The following PTH2R variants were observed in gnomAD, a reference collection of about 807,000 sequenced individuals.
PTH2R encodes PTH2 receptor.
Under a neutral mutation model 60.3 loss-of-function variants are expected in PTH2R, and 59 were observed. The ratio of observed to expected loss-of-function variants is 0.98; its 90% CI spans 0.79 to 1.22. The LOEUF (loss-of-function observed/expected upper bound fraction) is 1.22, where lower values mean the gene tolerates loss of function less well. Among genes scored for constraint, PTH2R ranks in the 50% most tolerant of loss-of-function variants. The pLI, the probability that PTH2R is intolerant of heterozygous loss-of-function variation, is 0.00. For missense variants in PTH2R, 749 were observed against 682.6 expected, an observed-to-expected ratio of 1.10 and a Z score of -1.08; for synonymous variants, 256 against 243.8, an observed-to-expected ratio of 1.05 and a Z score of -0.47.
intron 2 of PTH2R, among the ~76,000 whole-genome samples, chr2:208,432,431 A>G (rs1701991361): frequency 6.6e-6 from 1 of 152,212 alleles, no homozygotes; most frequent in African/African-American, 2.4e-5. Flanking sequence ...GCTTCCTGGA[A>G]GAATAATTAT....
chr2:208,395,073 A>T (rs1236878764), intron 1 of PTH2R, among the ~76,000 whole-genome samples: 3 of 150,734 alleles, frequency 2.0e-5, no homozygotes, highest in Non-Finnish European at 3.0e-5. Context: ...TTTGAGATGG[A>T]GTCTTGCTCT....
At chr2:208,449,782 C>A (rs1702365757) in intron 7 of PTH2R, among the ~76,000 whole-genome samples, 1 of 152,062 alleles carries the variant, frequency 6.6e-6, no homozygotes, top group African/African-American at 2.4e-5. Context: ...AAAAAAATTA[C>A]AATTTTTTTA....
intron 1 of PTH2R, among the ~76,000 whole-genome samples, chr2:208,417,844 A>G (rs530674430): frequency 6.6e-6 from 1 of 152,286 alleles, no homozygotes; most frequent in South Asian, 2.1e-4. Flanking sequence ...GGAGAAAGAA[A>G]GGCAAAATAT....
intron 1 of PTH2R, among the ~76,000 whole-genome samples, chr2:208,381,235 T>C (rs763786469): frequency 2.0e-5 from 3 of 152,052 alleles, no homozygotes; most frequent in Admixed American, 1.3e-4. Context: ...GTTTTCCTTT[T>C]TCCTCTAGAT....
rs150613059 is a variant in PTH2R, at chr2:208,493,368, C to T, written c.1362C>T (p.Thr454=). 1.7e-4 allele frequency: 276 copies of T among 1,605,372 alleles called. 1 individual carries two copies. The highest frequency in any genetic ancestry group is 1.7e-3 in the Middle Eastern group (10 of 6,044). ...GCAGATGCGGCTCAGTGCTCACCAC[C>T]GTGACGCACAGCACCAGCAGCCAGT... ...GSRRCGSVLT[T]VTHSTSSQSQ... is the part of the protein sequence containing the mutation. Residue 454 remains threonine, a synonymous_variant, in exon 13 of 13, where the codon ACC becomes ACT. Coordinates refer to ENST00000272847, the MANE Select transcript of PTH2R (RefSeq NM_005048.4).
At chr2:208,461,889 G>A (rs937632800) in intron 9 of PTH2R, among the ~76,000 whole-genome samples, 1 of 152,222 alleles carries the variant, frequency 6.6e-6, no homozygotes, top group East Asian at 1.9e-4. Flanking sequence ...CGCTGTTGGC[G>A]AAGGAGAAAT....
intron 1 of PTH2R, among the ~76,000 whole-genome samples, chr2:208,380,739 C>T (rs1433847377): frequency 6.6e-6 from 1 of 152,110 alleles, no homozygotes; most frequent in East Asian, 1.9e-4. Context: ...TGTGTCTGTC[C>T]TTGAGCACTA....
intron 1 of PTH2R, among the ~76,000 whole-genome samples, chr2:208,412,842 A>T (rs1350633433): frequency 2.6e-5 from 4 of 152,176 alleles, no homozygotes; most frequent in Non-Finnish European, 5.9e-5. Context: ...AACTACCCAC[A>T]TTTCTATTTA....
intron 10 of PTH2R, among the ~76,000 whole-genome samples, chr2:208,485,273 A>T (rs1239186392): frequency 6.6e-6 from 1 of 152,182 alleles, no homozygotes; most frequent in Non-Finnish European, 1.5e-5. Flanking sequence ...TCTAAACAGG[A>T]CACTGAGTCC....
At chr2:208,470,026 T>C (rs1702846601) in intron 9 of PTH2R, 1 of 152,176 alleles carries the variant, frequency 6.6e-6, no homozygotes, top group African/African-American at 2.4e-5. Context: ...GCATTTGCAC[T>C]GATGTCAACC....
At chr2:208,396,017 A>G (rs1701201939) in intron 1 of PTH2R, among the ~76,000 whole-genome samples, 1 of 152,138 alleles carries the variant, frequency 6.6e-6, no homozygotes, top group African/African-American at 2.4e-5. Flanking sequence ...CACATCTACA[A>G]CCATCTGATC....
intron 1 of PTH2R, among the ~76,000 whole-genome samples, chr2:208,370,181 C>T (rs533002145): frequency 1.3e-4 from 20 of 152,104 alleles, no homozygotes; most frequent in South Asian, 8.3e-4. Flanking sequence ...CGGTGGCTCA[C>T]GCCTGTAATC....
chr2:208,411,536 A>C (rs1701539806), intron 1 of PTH2R, among the ~76,000 whole-genome samples: 1 of 152,188 alleles, frequency 6.6e-6, no homozygotes, highest in African/African-American at 2.4e-5. Flanking sequence ...TTGCCAATGC[A>C]CAGAGAGTAG....
rs114185978 is a variant in PTH2R at position 208,366,574 on chromosome 2, C to T, written c.-259+6337C>T. Among the ~76,000 whole-genome samples the T allele has an allele frequency of 8.1e-3, 1,236 of 152,248 alleles. 15 individuals carry two copies. Among genetic ancestry groups the T allele is most frequent in the African/African-American group, 0.028 (1,171 of 41,532 alleles). On this transcript the variant is annotated intron_variant, in intron 1 of 12. Transcript: ENST00000617735. ...ATAGCCATGAACTCCTATGTCATTC[C>T]TCACCATCCCATAATTCTTAGCCCA...
intron 9 of PTH2R, among the ~76,000 whole-genome samples, chr2:208,460,393 T>C (rs1702610578): frequency 6.6e-6 from 1 of 152,102 alleles, no homozygotes; most frequent in Non-Finnish European, 1.5e-5. Context: ...TATAAAGTAT[T>C]CCCTAAATCT....
In PTH2R at chr2:208,382,627, A is replaced by G. The variant is rs570995094; in HGVS notation, c.-259+22390A>G. Among the ~76,000 whole-genome samples, 6 of 152,204 alleles carry G rather than the reference A, an allele frequency of 3.9e-5. No individual in the cohort carries two copies. The South Asian group carries it at 1.0e-3, about 26-fold the overall frequency. ...GTCATTTCTGAGTCTGATCCTCCCT[A>G]CTCCTCACAAATAAATTGGTAGATT... On this transcript the variant is annotated intron_variant, in intron 1 of 12. Coordinates refer to the PTH2R transcript ENST00000617735.
intron 9 of PTH2R, among the ~76,000 whole-genome samples, chr2:208,471,237 G>A (rs1702873231): frequency 6.6e-6 from 1 of 152,210 alleles, no homozygotes; most frequent in Non-Finnish European, 1.5e-5. Context: ...GCAGAAATTT[G>A]TATTAGTAAC....
intron 1 of PTH2R, among the ~76,000 whole-genome samples, chr2:208,376,930 G>T (rs1250671361): frequency 6.6e-6 from 1 of 151,356 alleles, no homozygotes; most frequent in Non-Finnish European, 1.5e-5. Context: ...AGGGGGATTT[G>T]GCAGGGTCAT....
intron 10 of PTH2R, among the ~76,000 whole-genome samples, chr2:208,481,649 G>C (rs1372934779): frequency 1.3e-5 from 2 of 152,134 alleles, no homozygotes; most frequent in Non-Finnish European, 2.9e-5. Context: ...AACCCCAAAA[G>C]CTACCCCTTG....
Sources: gnomAD v4.1 joint callset for allele counts (sites outside exome capture counted in the v4.1 genomes callset) on GRCh38, gnomAD v4.1.1 for gene constraint, MANE v1.5 for transcripts, NCBI Gene and HGNC (gene_info 2026-07-23, HGNC 2026-07-21) for gene names.